Variants in EPHA10 observed in about 807,000 individuals in gnomAD.
The protein encoded by EPHA10 is ephrin type-A receptor 10.
EPHA10 carries 120 observed loss-of-function variants against 109.7 expected under a neutral mutation model. The observed-to-expected ratio is 1.09, with a 90% confidence interval of 0.94 to 1.27. The LOEUF is 1.27. Ranked by LOEUF, EPHA10 falls within the 50% of genes most tolerant of loss-of-function variation. EPHA10 has a pLI of 0.00. For missense variants in EPHA10, 1,396 were observed against 1,411.1 expected (o/e 0.99, Z 0.17); for synonymous variants, 640 against 618.9 (o/e 1.03, Z -0.51).
chr1:37,729,872 CA>C (rs112155506), intron 7 of EPHA10, among the ~76,000 whole-genome samples: 2,476 of 135,240 alleles, frequency 0.018, 44 homozygotes, highest in African/African-American at 0.047. Context: ...GACCCTACCT[CA>C]AAAAAAAAAA....
In EPHA10 at chr1:37,720,539, G is replaced by A. The variant is rs1645774940; in HGVS notation, c.2224C>T (p.Leu742=). ...AACCCCATCAGTTGCCCAGCCACCAGCTGCCCCTCGTGCCGCTGTGGAGGG... is the reference window on the plus strand; with the variant it reads ...AACCCCATCAGTTGCCCAGCCACCAACTGCCCCTCGTGCCGCTGTGGAGGG... The part of the protein sequence containing the change: ...DGFLRRHEGQ[L]VAGQLMGLLP... Residue 742 remains leucine, a synonymous_variant, in exon 13 of 17, where the codon CTG becomes TTG. Transcript: ENST00000373048. The A allele has an allele frequency of 1.2e-6, 2 of 1,611,206 alleles. No homozygotes were observed. Among genetic ancestry groups the A allele is most frequent in the Non-Finnish European group, 1.7e-6 (2 of 1,179,002 alleles).
At chr1:37,763,329 C>T (rs1646449355) in intron 1 of EPHA10, among the ~76,000 whole-genome samples, 1 of 152,156 alleles carries the variant, frequency 6.6e-6, no homozygotes, top group African/African-American at 2.4e-5. Context: ...TTAATCTCTG[C>T]CTCAGTCATC....
rs777507004 is a variant in EPHA10 at position 37,761,574 on chromosome 1, C to T, written c.681G>A (p.Glu227=). 160 of 1,598,518 alleles carry T rather than the reference C, an allele frequency of 1.0e-4. No individual in the cohort carries two copies. Among genetic ancestry groups the T allele is most frequent in the Non-Finnish European group, 1.3e-4 (151 of 1,176,756 alleles). Residue 227 remains glutamate, a synonymous_variant, in exon 3 of 17, where the codon GAG becomes GAA. Coordinates refer to ENST00000373048, the MANE Select transcript of EPHA10 (RefSeq NM_001099439.2). ...CTTCCACCAGTGTGGAGAAGGCGCT[C>T]TCGGCTGCGGTGGCTGGGAACGTGG... ...GLATFPATAA[E]SAFSTLVEVA...
intron 5 of EPHA10, among the ~76,000 whole-genome samples, chr1:37,745,767 T>C (rs1646231349): frequency 6.6e-6 from 1 of 152,084 alleles, no homozygotes; most frequent in Admixed American, 6.6e-5. Context: ...TGAGAATTGC[T>C]TGAACCTGGG....
At chr1:37,752,831 C>T in intron 5 of EPHA10, 45 bp downstream of exon 5, 1 of 1,209,294 alleles carries the variant, frequency 8.3e-7, no homozygotes, top group Non-Finnish European at 1.0e-6. Context: ...GGCGCAGGGG[C>T]GGCAGGCGCG....
In EPHA10 at chr1:37,754,252, C is replaced by T. The variant is rs1414047256; in HGVS notation, c.969G>A (p.Ala323=). 7.6e-6 allele frequency: 10 copies of T among 1,321,450 alleles called. No homozygotes were observed. Among genetic ancestry groups the T allele is most frequent in the East Asian group, 3.0e-5 (1 of 32,790 alleles). 81.9% of individuals were successfully genotyped at this position (1,321,450 alleles called of 1,614,324 possible). ...CCGAGGGCGGGTCGGTGGGTGAGCG[C>T]GCATAGCTGTCCTGGCACACGCAGA... The part of the protein sequence containing the change: ...STFCVCQDSY[A]RSPTDPPSAS... The change falls in exon 4 of 17, where the codon GCG becomes GCA. Residue 323 remains alanine, a synonymous_variant. Coordinates refer to ENST00000373048, the MANE Select transcript of EPHA10 (RefSeq NM_001099439.2). This position sits in a 1 kb window ranked among gnomAD's most constrained non-coding sequence, Gnocchi z 4.5.
At position 37,761,409 on chromosome 1, in the gene EPHA10, G is replaced by A. The variant is rs1303591677; in HGVS notation, c.846C>T (p.Cys282=). 14 of 1,599,326 alleles carry A rather than the reference G, an allele frequency of 8.8e-6. No individual in the cohort carries two copies. Among genetic ancestry groups the A allele is most frequent in the African/African-American group, 2.7e-5 (2 of 74,980 alleles). ...SAGFQERGDF[C]EACPPGFYKV... is the part of the protein sequence containing the mutation. ...GGCCCCCAGCCAACTGGATACCTTCGCAGAAGTCACCACGCTCCTGGAATC... is the reference window on the plus strand; with the variant it reads ...GGCCCCCAGCCAACTGGATACCTTCACAGAAGTCACCACGCTCCTGGAATC... Residue 282 remains cysteine (C), a synonymous_variant, in exon 3 of 17, where the codon TGC becomes TGT. Coordinates refer to ENST00000373048, the MANE Select transcript of EPHA10 (RefSeq NM_001099439.2).
Position 37,762,833 on chromosome 1 carries a change from G to T in EPHA10, c.123C>A (p.Ser41=). 1 of 1,552,980 alleles carries T rather than the reference G, an allele frequency of 6.4e-7. No homozygotes were observed. The highest frequency in any genetic ancestry group is 8.7e-7 in the Non-Finnish European group (1 of 1,147,482). Residue 41 remains serine (S), a synonymous_variant, in exon 2 of 17, where the codon TCC becomes TCA. Coordinates refer to ENST00000373048, the MANE Select transcript of EPHA10 (RefSeq NM_001099439.2). ...AGCCCAGCTCGGCCTGGGAGGCTTT[G>T]GAATCCAGGAGGATAACTAAGGAGA... is the stretch of plus-strand genomic sequence containing the variant. ...GTAEEVILLD[S]KASQAELGWT...
intron 8 of EPHA10, among the ~76,000 whole-genome samples, chr1:37,724,919 A>G (rs1220302903): frequency 6.6e-6 from 1 of 152,236 alleles, no homozygotes. Context: ...AAGCCTCCAC[A>G]CATGTTCACT....
chr1:37,721,943 C>A, intron 10 of EPHA10, 98 bp from the exon 11 acceptor site: 1 of 1,230,648 alleles, frequency 8.1e-7, no homozygotes, highest in Non-Finnish European at 1.1e-6. Context: ...CCAGCCTGGC[C>A]AACATGGCGA....
Position 37,763,203 on chromosome 1 carries a change from T to A in EPHA10, c.107-354A>T, listed in dbSNP as rs527624921. On this transcript the variant is annotated intron_variant, in intron 1 of 16. Coordinates refer to ENST00000373048, the MANE Select transcript of EPHA10 (RefSeq NM_001099439.2). Reference sequence around the variant, plus strand: ...TCTAGAGTCAAGGTGTCAGCAGGACTGTTTTCTTTTGGAGGCTCTGAGGGG... The same window carrying A: ...TCTAGAGTCAAGGTGTCAGCAGGACAGTTTTCTTTTGGAGGCTCTGAGGGG... Among the ~76,000 whole-genome samples, 115 of 152,330 alleles carry A rather than the reference T, an allele frequency of 7.5e-4. 1 individual carries two copies. The highest frequency in any genetic ancestry group is 1.9e-3 in the African/African-American group (80 of 41,566).
At chr1:37,750,441 G>A (rs1300814593) in intron 5 of EPHA10, among the ~76,000 whole-genome samples, 1 of 142,082 alleles carries the variant, frequency 7.0e-6, no homozygotes, top group Non-Finnish European at 1.5e-5. Context: ...AGTGGAAATG[G>A]ATTAAGAGCT....
intron 5 of EPHA10, among the ~76,000 whole-genome samples, chr1:37,736,545 T>C (rs1263699468): frequency 3.7e-5 from 5 of 133,454 alleles, no homozygotes; most frequent in Non-Finnish European, 6.3e-5. Flanking sequence ...CCGTCTCTAC[T>C]AAAAATACAA....
At chr1:37,755,728 A>T (rs1317572365) in intron 3 of EPHA10, among the ~76,000 whole-genome samples, 1 of 152,142 alleles carries the variant, frequency 6.6e-6, no homozygotes, top group Non-Finnish European at 1.5e-5. Flanking sequence ...TTTCACAATA[A>T]TGATAGTAAT....
At chr1:37,752,457 T>C (rs1646342144) in intron 5 of EPHA10, among the ~76,000 whole-genome samples, 3 of 152,032 alleles carry the variant, frequency 2.0e-5, no homozygotes, top group South Asian at 4.1e-4. Context: ...CCTACTGACA[T>C]TTTTTTAAAG....
At chr1:37,724,293 A>G (rs1217196854) in intron 8 of EPHA10, among the ~76,000 whole-genome samples, 2 of 152,172 alleles carry the variant, frequency 1.3e-5, no homozygotes, top group Non-Finnish European at 2.9e-5. Flanking sequence ...GAGGAGACAA[A>G]AAGTTCACAT....
rs1402419110 is a variant in EPHA10, at chr1:37,718,700, C to T, written c.2873G>A (p.Gly958Asp). Residue 958 changes from glycine to aspartate, a missense_variant, in exon 16 of 17, where the codon GGC becomes GAC. Physicochemically the swap from Gly to Asp is moderately conservative, Grantham distance 94. Coordinates refer to ENST00000373048, the MANE Select transcript of EPHA10 (RefSeq NM_001099439.2). ...GGCCACGGCCTCCAGGCTCCCATAGCCAGCAGCCGCGAAGCTGTCCTTGTA... is the reference window on the plus strand; with the variant it reads ...GGCCACGGCCTCCAGGCTCCCATAGTCAGCAGCCGCGAAGCTGTCCTTGTA... ...CRYKDSFAAA[G>D]YGSLEAVAEM... The T allele has an allele frequency of 2.5e-6, 4 of 1,613,222 alleles. No individual in the cohort carries two copies. Among genetic ancestry groups the T allele is most frequent in the Non-Finnish European group, 1.7e-6 (2 of 1,180,008 alleles).
rs768925068 is a variant in EPHA10 at position 37,723,173 on chromosome 1, G to T, written c.1835-7C>A. ...CGACGTGTTGGGACTTTGACTGGGA[G>T]AGAAAGAGATGAGCCTGAGGAATGG... is the stretch of plus-strand genomic sequence containing the variant. On this transcript the variant is annotated splice_polypyrimidine_tract_variant and splice_region_variant and intron_variant, in intron 9 of 16. Transcript: ENST00000373048. The T allele has an allele frequency of 3.7e-6, 6 of 1,611,952 alleles. No homozygotes were observed. Among genetic ancestry groups the T allele is most frequent in the Admixed American group, 1.7e-5 (1 of 59,834 alleles).
rs1335139424 is a variant in EPHA10, at chr1:37,716,504, G to C, written c.*1868C>G. On this transcript the variant is annotated 3_prime_UTR_variant, in exon 17 of 17. Coordinates refer to ENST00000373048, the MANE Select transcript of EPHA10 (RefSeq NM_001099439.2). ...TGGTAGCAACATCTTGGTCTCCCCA[G>C]TACCCCCAGAGTCACTGAGCTGGGG... is the stretch of plus-strand genomic sequence containing the variant. The C allele has an allele frequency of 5.6e-5, 13 of 232,428 alleles. No individual in the cohort carries two copies. The highest frequency in any genetic ancestry group is 1.8e-4 in the South Asian group (1 of 5,558). The allele number at this position is 232,428 out of a possible 1,614,324, so 14.4% of individuals were successfully genotyped here.
Sources: allele counts gnomAD v4.1 joint callset (sites outside exome capture counted in the v4.1 genomes callset), GRCh38; gene constraint gnomAD v4.1.1; non-coding constraint Gnocchi (gnomAD v3.1); transcripts MANE v1.5; gene names NCBI Gene and HGNC (gene_info 2026-07-23, HGNC 2026-07-21).